Variants in MN1 observed in about 807,000 individuals in gnomAD.
MN1 encodes MN1 proto-oncogene, transcriptional regulator, also known as transcriptional activator MN1.
A neutral mutation model predicts 86.9 loss-of-function variants in MN1; 19 were observed. The observed-to-expected ratio is 0.22, with a 90% CI of 0.15 to 0.32. The LOEUF is 0.32. MN1 is among the 10% of genes least tolerant of loss of function. MN1 has a pLI of 1.00. For missense variants in MN1, 1,841 were observed against 1,862.0 expected (o/e 0.99, Z 0.21); for synonymous variants, 928 against 849.6 (o/e 1.09, Z -1.60).
At position 27,798,268 on chromosome 22, in the gene MN1, CTG is replaced by C; in HGVS notation, c.2274_2275del (p.His758GlnfsTer32). 1 of 1,529,050 alleles carries C rather than the reference CTG, an allele frequency of 6.5e-7. No homozygotes were observed. 94.7% of individuals were successfully genotyped at this position (1,529,050 alleles called of 1,614,324 possible). A position where few individuals can be genotyped will look rare whatever the true frequency, so the allele number is the denominator to read the frequency against. Reference sequence around the variant, plus strand: ...GGGGGGCGAGTTCACGCCTGGACCGCTGTGCGGCGTGGACTGCCGGCCGGCTG... The same window carrying C: ...GGGGGGCGAGTTCACGCCTGGACCGCTGCGGCGTGGACTGCCGGCCGGCTG... On this transcript the variant is annotated frameshift_variant, in exon 1 of 2. Coordinates refer to ENST00000302326, the MANE Select transcript of MN1 (RefSeq NM_002430.3). LOFTEE classifies it high-confidence loss of function.
chr22:27,761,118 G>A (rs529655643), intron 1 of MN1, among the ~76,000 whole-genome samples: 13 of 152,052 alleles, frequency 8.5e-5, no homozygotes, highest in African/African-American at 3.1e-4. Flanking sequence ...AACATCATTG[G>A]CCAAAGTGAC....
chr22:27,800,877 G>A lies in MN1; in HGVS notation c.-334C>T. 1.2e-5 allele frequency: 4 copies of A among 346,542 alleles called. No individual in the cohort carries two copies. Among genetic ancestry groups the A allele is most frequent in the African/African-American group, 2.1e-5 (1 of 46,996 alleles). The allele number at this position is 346,542 out of a possible 1,614,324, so 21.5% of individuals were successfully genotyped here. A position where few individuals can be genotyped will look rare whatever the true frequency, so the allele number is the denominator to read the frequency against. ...GGGGACGAAGCCGCGGATGAACGGA[G>A]ACAAAAAGTTAAGTGGGGGGAATGG... On this transcript the variant is annotated 5_prime_UTR_variant, in exon 1 of 2. Coordinates refer to ENST00000302326, the MANE Select transcript of MN1 (RefSeq NM_002430.3).
intron 1 of MN1, among the ~76,000 whole-genome samples, chr22:27,755,314 T>TG (rs1932795033): frequency 6.6e-6 from 1 of 152,068 alleles, no homozygotes; most frequent in Non-Finnish European, 1.5e-5. Flanking sequence ...ATGTGCATGT[T>TG]GGGGGGTCAG....
chr22:27,772,852 C>CCATCATCATCAT (rs113365837), intron 1 of MN1, among the ~76,000 whole-genome samples: 8 of 147,440 alleles, frequency 5.4e-5, no homozygotes, highest in African/African-American at 1.8e-4. Flanking sequence ...ATCACCATTG[C>CCATCATCATCAT]CATCATCATC....
chr22:27,793,938 C>T (rs995480151), intron 1 of MN1, among the ~76,000 whole-genome samples: 10 of 151,962 alleles, frequency 6.6e-5, no homozygotes, highest in African/African-American at 1.7e-4. Flanking sequence ...GCATGTTTTA[C>T]GGCGTGACAA....
In MN1 at chr22:27,800,237, C is replaced by A. The variant is rs558501460; in HGVS notation, c.307G>T (p.Gly103Ter). The change falls in exon 1 of 2, where the codon GGA (glycine) becomes TGA (stop). Residue 103 changes from glycine (G) to a stop codon, truncating the protein, a stop_gained. Transcript: ENST00000302326. LOFTEE classifies it high-confidence loss of function. ...GGQQPHHGHP[G>*]SHHPHQHHPH... Reference sequence around the variant, plus strand: ...TGATGCTGGTGGGGATGATGACTTCCCGGGTGGCCGTGGTGAGGCTGCTGG... The same window carrying A: ...TGATGCTGGTGGGGATGATGACTTCACGGGTGGCCGTGGTGAGGCTGCTGG... 2 of 1,583,970 alleles carry A rather than the reference C, an allele frequency of 1.3e-6. No homozygotes were observed. The highest frequency in any genetic ancestry group is 1.8e-5 in the Admixed American group (1 of 56,034).
Position 27,798,978 on chromosome 22 carries a change from C to T in MN1, c.1566G>A (p.Leu522=), listed in dbSNP as rs746269371. ...GCTGCTGCTGCTGCTGCTGCTGTTG[C>T]AGGGACTGGTGGTCCGGGGCCGGAT... ...LQHPAPDHQS[L]QQQQQQQQQQ... Residue 522 remains leucine, a synonymous_variant, in exon 1 of 2, where the codon CTG becomes CTA. Coordinates refer to ENST00000302326, the MANE Select transcript of MN1 (RefSeq NM_002430.3). The T allele has an allele frequency of 6.2e-7, 1 of 1,602,006 alleles. No homozygotes were observed. Among genetic ancestry groups the T allele is most frequent in the South Asian group, 1.1e-5 (1 of 89,878 alleles).
At chr22:27,775,121 G>A (rs748693763) in intron 1 of MN1, among the ~76,000 whole-genome samples, 9 of 152,212 alleles carry the variant, frequency 5.9e-5, no homozygotes, top group Non-Finnish European at 2.9e-5. Context: ...TCTCAGGCAG[G>A]TCCCTTCTTT....
At chr22:27,752,213 G>A (rs560781630) in intron 1 of MN1, among the ~76,000 whole-genome samples, 8 of 152,100 alleles carry the variant, frequency 5.3e-5, no homozygotes, top group East Asian at 1.9e-4. Flanking sequence ...GTGTCCACCC[G>A]GCTCATGCAC....
At chr22:27,777,304 G>A (rs1932990403) in intron 1 of MN1, among the ~76,000 whole-genome samples, 1 of 152,080 alleles carries the variant, frequency 6.6e-6, no homozygotes, top group East Asian at 1.9e-4. Flanking sequence ...AGGCTGAGGA[G>A]GGAGGATCGT....
intron 1 of MN1, among the ~76,000 whole-genome samples, chr22:27,760,097 C>T (rs556316145): frequency 6.6e-6 from 1 of 152,198 alleles, no homozygotes; most frequent in African/African-American, 2.4e-5. Context: ...CACCTGTAAT[C>T]CCAGAACTTT....
intron 1 of MN1, among the ~76,000 whole-genome samples, chr22:27,770,541 G>A (rs1310297237): frequency 1.3e-5 from 2 of 152,186 alleles, no homozygotes; most frequent in Non-Finnish European, 2.9e-5. Context: ...TCCCTGCAAT[G>A]GAAGTAATAG....
intron 1 of MN1, among the ~76,000 whole-genome samples, chr22:27,791,575 GACAA>G (rs1568980430): frequency 2.0e-5 from 3 of 151,452 alleles, no homozygotes; most frequent in Non-Finnish European, 4.4e-5. Context: ...CACCCCCTCC[GACAA>G]ACAGAGGACC....
In MN1 at chr22:27,780,233, A is replaced by ACTCCAAACTGCTAATCTGACCGTGC. The variant is rs1430665189; in HGVS notation, c.3781+16505_3781+16529dup. Among the ~76,000 whole-genome samples, 5 of 151,924 alleles carry ACTCCAAACTGCTAATCTGACCGTGC rather than the reference A, an allele frequency of 3.3e-5. No individual in the cohort carries two copies. The East Asian group carries it at 9.8e-4, about 30-fold the overall frequency. On this transcript the variant is annotated intron_variant, in intron 1 of 1. Transcript: ENST00000302326. ...GGCTCCCGGCCACACTTTAGAATGG[A>ACTCCAAACTGCTAATCTGACCGTGC]CTCCAAACTGCTAATCTGACCGTGC... is the stretch of plus-strand genomic sequence containing the variant.
At chr22:27,774,353 C>T (rs1932949530) in intron 1 of MN1, among the ~76,000 whole-genome samples, 3 of 152,200 alleles carry the variant, frequency 2.0e-5, no homozygotes, top group African/African-American at 7.2e-5. Flanking sequence ...TTGAGGTCCA[C>T]GCTCATCCCA....
rs780038812 is a variant in MN1, at chr22:27,796,986, G to A, written c.3558C>T (p.Ala1186=). The A allele has an allele frequency of 6.2e-7, 1 of 1,612,416 alleles. No individual in the cohort carries two copies. The highest frequency in any genetic ancestry group is 1.1e-5 in the South Asian group (1 of 90,990). ...GLKGGKKGEC[A]VGASGAQNGD... ...CATTCTGCGCCCCTGAGGCCCCGAC[G>A]GCGCACTCACCCTTCTTGCCACCCT... Residue 1186 remains alanine (A), a synonymous_variant, in exon 1 of 2, where the codon GCC becomes GCT. Coordinates refer to ENST00000302326, the MANE Select transcript of MN1 (RefSeq NM_002430.3).
chr22:27,769,152 CA>C (rs1932893397), intron 1 of MN1, among the ~76,000 whole-genome samples: 1 of 152,204 alleles, frequency 6.6e-6, no homozygotes, highest in Admixed American at 6.5e-5. Context: ...CCCACCAAAA[CA>C]TATTTCACCT....
At chr22:27,765,236 G>C (rs1932860333) in intron 1 of MN1, among the ~76,000 whole-genome samples, 1 of 152,220 alleles carries the variant, frequency 6.6e-6, no homozygotes, top group African/African-American at 2.4e-5. Flanking sequence ...GCACCCAGTA[G>C]GTGCTCAGTC....
chr22:27,763,202 T>C (rs1229705205), intron 1 of MN1, among the ~76,000 whole-genome samples: 2 of 152,222 alleles, frequency 1.3e-5, no homozygotes, highest in African/African-American at 4.8e-5. Flanking sequence ...TCAGTGCAAG[T>C]CTGGATTTTA....
Sources: allele counts gnomAD v4.1 joint callset (sites outside exome capture counted in the v4.1 genomes callset), GRCh38; gene constraint gnomAD v4.1.1; transcripts MANE v1.5; gene names NCBI Gene and HGNC (gene_info 2026-07-23, HGNC 2026-07-21).